Variants in GCC2 observed in about 807,000 individuals in gnomAD.
GCC2 encodes the protein GRIP and coiled-coil domain-containing protein 2.
In GCC2, 120 loss-of-function variants were observed where a neutral mutation model predicts 210.6. That is an observed-to-expected ratio of 0.57 (90% CI 0.49 to 0.66). The LOEUF (loss-of-function observed/expected upper bound fraction) is 0.66, where lower values mean the gene tolerates loss of function less well. Among genes scored for constraint, GCC2 ranks in the 30% least tolerant of loss-of-function variants. GCC2 has a pLI of 0.00. For missense variants in GCC2, 1,868 were observed against 1,871.9 expected (o/e 1.00, Z 0.04); for synonymous variants, 703 against 652.7 (o/e 1.08, Z -1.17).
At position 108,465,768 on chromosome 2, in the gene GCC2, C is replaced by T. The variant is rs115968601; in HGVS notation, c.217-3212C>T. ...TTTAGCTCTTTAAGGTATCTCCATA[C>T]TGTTTTCCATAGAAGTTTGTACTAA... On this transcript the variant is annotated intron_variant, in intron 4 of 22. Coordinates refer to ENST00000309863, the MANE Select transcript of GCC2 (RefSeq NM_181453.4). Among the ~76,000 whole-genome samples, 1,358 of 152,284 alleles carry T rather than the reference C, an allele frequency of 8.9e-3. 13 individuals are homozygous for T. Among genetic ancestry groups the T allele is most frequent in the Non-Finnish European group, 0.013 (861 of 68,028 alleles).
chr2:108,484,387 T>C (rs547834115), intron 13 of GCC2, 76 bp downstream of exon 13: 3 of 801,164 alleles, frequency 3.7e-6, no homozygotes, highest in Non-Finnish European at 5.8e-6. Flanking sequence ...GCATTACTTG[T>C]TTATTTCACC....
At chr2:108,481,935 T>TA in intron 10 of GCC2, 119 bp downstream of exon 10, 1 of 674,288 alleles carries the variant, frequency 1.5e-6, no homozygotes. Context: ...CCCCCCACTT[T>TA]ACCCTCCTTC....
chr2:108,487,966 G>A, intron 17 of GCC2, 146 bp downstream of exon 17: 1 of 766,106 alleles, frequency 1.3e-6, no homozygotes, highest in Admixed American at 3.0e-5. Flanking sequence ...GAGTGCAGTG[G>A]TGCAATCTCA....
At chr2:108,461,864 C>G (rs150859083) in intron 4 of GCC2, among the ~76,000 whole-genome samples, 1 of 121,804 alleles carries the variant, frequency 8.2e-6, no homozygotes, top group South Asian at 2.7e-4. Flanking sequence ...GACAGAGTCT[C>G]GCTCTTTCGC....
intron 4 of GCC2, among the ~76,000 whole-genome samples, chr2:108,465,878 G>A (rs921359556): frequency 1.3e-5 from 2 of 152,012 alleles, no homozygotes; most frequent in East Asian, 1.9e-4. Flanking sequence ...TTTTTGAAAC[G>A]TAGTCTCTCT....
At chr2:108,450,308 A>G (rs1337432355) in intron 2 of GCC2, among the ~76,000 whole-genome samples, 1 of 152,176 alleles carries the variant, frequency 6.6e-6, no homozygotes, top group Non-Finnish European at 1.5e-5. Context: ...TAAAGCCTGA[A>G]TGTTACCCGG....
chr2:108,498,624 T>C (rs1319557524), intron 21 of GCC2, among the ~76,000 whole-genome samples: 2 of 152,246 alleles, frequency 1.3e-5, no homozygotes, highest in Non-Finnish European at 2.9e-5. Flanking sequence ...AATGAAAATA[T>C]ACTAAAAGCT....
chr2:108,501,270 C>A (rs539056537), intron 22 of GCC2, among the ~76,000 whole-genome samples: 191 of 152,144 alleles, frequency 1.3e-3, no homozygotes, highest in Middle Eastern at 6.8e-3. Context: ...CAGGTGTGAG[C>A]CACCACGCCC....
chr2:108,465,252 C>A (rs765774322), intron 4 of GCC2, among the ~76,000 whole-genome samples: 1 of 152,226 alleles, frequency 6.6e-6, no homozygotes, highest in East Asian at 1.9e-4. Context: ...TATCTACTCA[C>A]TATTTTGGTT....
intron 16 of GCC2, among the ~76,000 whole-genome samples, 172 bp from the exon 17 acceptor site, chr2:108,487,527 T>C (rs1463982180): frequency 6.6e-6 from 1 of 152,174 alleles, no homozygotes; most frequent in East Asian, 1.9e-4. Context: ...TTTTTAAGTG[T>C]AAAGCCAACA....
chr2:108,477,026 T>C (rs758064386), intron 9 of GCC2, among the ~76,000 whole-genome samples: 15 of 152,206 alleles, frequency 9.9e-5, no homozygotes, highest in Non-Finnish European at 1.9e-4. Flanking sequence ...ATGACTATTA[T>C]TTGAACTATC....
In GCC2 at chr2:108,470,873, A is replaced by G. The variant is rs148359301; in HGVS notation, c.1544A>G (p.Asp515Gly). The G allele has an allele frequency of 3.6e-5, 58 of 1,613,590 alleles. No individual in the cohort carries two copies. Among genetic ancestry groups the G allele is most frequent in the Non-Finnish European group, 4.7e-5 (55 of 1,179,714 alleles). Residue 515 changes from aspartate (D) to glycine (G), a missense_variant, in exon 6 of 23, where the codon GAT becomes GGT. Around this residue, in one of 3 missense-constraint regions of GCC2, gnomAD observed 1,847 missense variants for 1,765.2 expected, o/e 1.05. Coordinates refer to ENST00000309863, the MANE Select transcript of GCC2 (RefSeq NM_181453.4). The stretch of plus-strand genomic sequence containing the variant: ...TCAATGAAGCAACAGCAAGCATCTG[A>G]TGTTCATGAACTGCAGCAGAAGCTC... ...FESMKQQQASDVHELQQKLRT... is the reference protein window; with the variant it reads ...FESMKQQQASGVHELQQKLRT...
chr2:108,465,996 G>A (rs1456878544), intron 4 of GCC2, among the ~76,000 whole-genome samples: 2 of 152,070 alleles, frequency 1.3e-5, no homozygotes, highest in Non-Finnish European at 1.5e-5. Flanking sequence ...GGATTAAGGT[G>A]GTATCTCACT....
In GCC2 at chr2:108,471,801, T is replaced by C. The variant is rs757364490; in HGVS notation, c.2472T>C (p.Val824=). 1 of 1,613,326 alleles carries C rather than the reference T, an allele frequency of 6.2e-7. No individual in the cohort carries two copies. Among genetic ancestry groups the C allele is most frequent in the Non-Finnish European group, 8.5e-7 (1 of 1,179,400 alleles). The change falls in exon 6 of 23, where the codon GTT becomes GTC. Residue 824 remains valine, a synonymous_variant. Transcript: ENST00000309863. ...AGTGCCTTCAAGAAGAGAGTGTAGT[T>C]CAGTGTGAAGAACTTAAGTCTTTAT... ...EIKCLQEESV[V]QCEELKSLLR...
chr2:108,475,655 G>A lies in GCC2; in HGVS notation c.2961+20G>A. On this transcript the variant is annotated intron_variant, in intron 8 of 22. Coordinates refer to ENST00000309863, the MANE Select transcript of GCC2 (RefSeq NM_181453.4). ...AAAGAGGTGAGCTGACTTTAAAAAT[G>A]TAAGATTCCGGAATCTCACATTTTT... is the stretch of plus-strand genomic sequence containing the variant. 2.7e-6 allele frequency: 4 copies of A among 1,489,588 alleles called. No individual in the cohort carries two copies. The highest frequency in any genetic ancestry group is 2.1e-5 in the Admixed American group (1 of 46,986). 92.3% of individuals were successfully genotyped at this position (1,489,588 alleles called of 1,614,324 possible). A position where few individuals can be genotyped will look rare whatever the true frequency, so the allele number is the denominator to read the frequency against.
chr2:108,473,771 G>A (rs1681361514), intron 7 of GCC2, among the ~76,000 whole-genome samples: 1 of 152,096 alleles, frequency 6.6e-6, no homozygotes, highest in Non-Finnish European at 1.5e-5. Context: ...ACCAGTCCAA[G>A]TAAAGATGTT....
intron 21 of GCC2, among the ~76,000 whole-genome samples, chr2:108,498,422 C>T (rs1001564213): frequency 1.3e-5 from 2 of 151,948 alleles, no homozygotes; most frequent in African/African-American, 4.8e-5. Flanking sequence ...TCTCAATCTC[C>T]TGACCTCGTG....
At chr2:108,450,132 T>C (rs189626260) in intron 2 of GCC2, 577 of 155,650 alleles carry the variant, frequency 3.7e-3, no homozygotes, top group Non-Finnish European at 6.0e-3. Context: ...TAAGGTTTAT[T>C]GTGTGCATGC....
rs558662665 is a variant in GCC2 at position 108,481,032 on chromosome 2, A to G, written c.3061-665A>G. ...AGGAAGGAGAGAGAGAGAAAAACAT[A>G]AAGAACTACATGCAGTCTCGAAACT... On this transcript the variant is annotated intron_variant, in intron 9 of 22. Coordinates refer to ENST00000309863, the MANE Select transcript of GCC2 (RefSeq NM_181453.4). 7.7e-4 allele frequency among the ~76,000 whole-genome samples: 118 copies of G among 152,350 alleles called. 1 individual carries two copies. The highest frequency in any genetic ancestry group is 2.7e-3 in the African/African-American group (111 of 41,592).
Sources: allele counts gnomAD v4.1 joint callset (sites outside exome capture counted in the v4.1 genomes callset), GRCh38; gene constraint gnomAD v4.1.1; regional missense constraint gnomAD v4.1.1; transcripts MANE v1.5; gene names NCBI Gene and HGNC (gene_info 2026-07-23, HGNC 2026-07-21).